The following PTP4A2 variants were observed in gnomAD, a reference collection of about 807,000 sequenced individuals.
PTP4A2 encodes the protein protein tyrosine phosphatase type IVA 2.
In PTP4A2, 2 loss-of-function variants were observed where a neutral mutation model predicts 22.9. That is an observed-to-expected ratio of 0.09 (90% CI 0.04 to 0.27). The LOEUF (loss-of-function observed/expected upper bound fraction) is 0.27. Among genes scored for constraint, PTP4A2 ranks in the 10% least tolerant of loss-of-function variants. PTP4A2 has a pLI of 1.00. For missense variants in PTP4A2, 103 were observed against 205.1 expected, an observed-to-expected ratio of 0.50 and a Z score of 3.04; for synonymous variants, 68 against 69.1, an observed-to-expected ratio of 0.98 and a Z score of 0.08.
At chr1:31,932,869 C>T (rs1389264644) in intron 1 of PTP4A2, among the ~76,000 whole-genome samples, 2 of 152,112 alleles carry the variant, frequency 1.3e-5, no homozygotes, top group African/African-American at 2.4e-5. Flanking sequence ...CTTCAAGTGC[C>T]AAGACAGTGG....
At chr1:31,923,049 A>G (rs1569621051) in intron 1 of PTP4A2, among the ~76,000 whole-genome samples, 1 of 151,468 alleles carries the variant, frequency 6.6e-6, no homozygotes, top group East Asian at 1.9e-4. Flanking sequence ...CTCCTGCCTC[A>G]GCCTCCCAAG....
At chr1:31,912,453 C>A (rs1455823114) in intron 3 of PTP4A2, among the ~76,000 whole-genome samples, 1 of 152,210 alleles carries the variant, frequency 6.6e-6, no homozygotes, top group East Asian at 1.9e-4. Flanking sequence ...AAGGACAGGG[C>A]TGCATGACAG....
At chr1:31,911,426 T>C in intron 4 of PTP4A2, 1 of 275,276 alleles carries the variant, frequency 3.6e-6, no homozygotes, top group Non-Finnish European at 6.8e-6. Context: ...TTGTTGCCAA[T>C]TTCAGTGACC....
At chr1:31,935,668 T>G (rs1019152697) in intron 1 of PTP4A2, 1 of 152,246 alleles carries the variant, frequency 6.6e-6, no homozygotes, top group African/African-American at 2.4e-5. Context: ...GCCTGGCAAA[T>G]AGAAGTGATT....
intron 1 of PTP4A2, among the ~76,000 whole-genome samples, chr1:31,922,628 T>TTC (rs1255912150): frequency 7.2e-6 from 1 of 139,692 alleles, no homozygotes; most frequent in Non-Finnish European, 1.5e-5. Flanking sequence ...CTTTCTTTCT[T>TTC]TCTTTCTTTT....
intron 1 of PTP4A2, among the ~76,000 whole-genome samples, chr1:31,922,639 ATTTAT>A (rs1186248850): frequency 1.7e-4 from 23 of 133,300 alleles, no homozygotes; most frequent in Non-Finnish European, 3.2e-4. Context: ...TCTTTCTTTT[ATTTAT>A]TTTGAGACAG....
chr1:31,919,080 AGTGTGAGCGTGC>A lies in PTP4A2; in HGVS notation c.-27_-16del, dbSNP rs1557864148. The A allele has an allele frequency of 1.4e-6, 2 of 1,417,344 alleles. No individual in the cohort carries two copies. Among genetic ancestry groups the A allele is most frequent in the Non-Finnish European group, 2.0e-6 (2 of 1,003,694 alleles). 87.8% of individuals were successfully genotyped at this position (1,417,344 alleles called of 1,614,324 possible). Reference sequence around the variant, plus strand: ...GGACGGTTCATTATGGCAAATAAAAAGTGTGAGCGTGCGTGTGAGTGTGATGGGGAAAGTGAA... The same window carrying A: ...GGACGGTTCATTATGGCAAATAAAAAGTGTGAGTGTGATGGGGAAAGTGAA... On this transcript the variant is annotated 5_prime_UTR_variant, in exon 2 of 6. Transcript: ENST00000647444.
At chr1:31,937,054 G>C (rs923228530) in intron 1 of PTP4A2, among the ~76,000 whole-genome samples, 1 of 152,132 alleles carries the variant, frequency 6.6e-6, no homozygotes, top group Non-Finnish European at 1.5e-5. Flanking sequence ...AAAACTAGCA[G>C]TACTTTACAA....
intron 1 of PTP4A2, among the ~76,000 whole-genome samples, chr1:31,928,203 ATAT>A (rs951662694): frequency 1.7e-4 from 24 of 140,628 alleles, no homozygotes; most frequent in South Asian, 2.4e-4. Flanking sequence ...ATATATTTAT[ATAT>A]TATAATATAT....
intron 4 of PTP4A2, chr1:31,910,879 G>A (rs1194123052): frequency 1.3e-5 from 2 of 152,148 alleles, no homozygotes; most frequent in Non-Finnish European, 2.9e-5. Context: ...AAATGCCCAA[G>A]AATTGATGAC....
intron 1 of PTP4A2, among the ~76,000 whole-genome samples, chr1:31,927,643 C>T (rs1158577873): frequency 6.6e-6 from 1 of 152,150 alleles, no homozygotes; most frequent in Non-Finnish European, 1.5e-5. Flanking sequence ...ATAATGGTAG[C>T]TTAGACCAGG....
chr1:31,907,669 T>C lies in PTP4A2; in HGVS notation c.*1183A>G, dbSNP rs1651252521. On this transcript the variant is annotated 3_prime_UTR_variant, in exon 6 of 6. Coordinates refer to ENST00000647444, the MANE Select transcript of PTP4A2 (RefSeq NM_080391.4). Reference sequence around the variant, plus strand: ...GTTTGGAAAACACATACCACAAGCATTTCTCAAGTCGAAAATATGTGAATT... The same window carrying C: ...GTTTGGAAAACACATACCACAAGCACTTCTCAAGTCGAAAATATGTGAATT... 1 of 152,110 alleles carries C rather than the reference T, an allele frequency of 6.6e-6. No individual in the cohort carries two copies. The highest frequency in any genetic ancestry group is 2.1e-4 in the South Asian group (1 of 4,832). The allele number at this position is 152,110 out of a possible 1,614,324, so 9.4% of individuals were successfully genotyped here. A position where few individuals can be genotyped will look rare whatever the true frequency, so the allele number is the denominator to read the frequency against.
At chr1:31,915,723 A>G in intron 3 of PTP4A2, 172 bp downstream of exon 3, 1 of 534,208 alleles carries the variant, frequency 1.9e-6, no homozygotes, top group South Asian at 2.6e-5. Context: ...AATTATCTGT[A>G]CAGATGAGAT....
At chr1:31,922,813 G>C (rs193023799) in intron 1 of PTP4A2, among the ~76,000 whole-genome samples, 2 of 152,136 alleles carry the variant, frequency 1.3e-5, no homozygotes, top group African/African-American at 2.4e-5. Flanking sequence ...GTAGCAACAA[G>C]GTTTCACTAT....
rs2124119145 is a variant in PTP4A2, at chr1:31,907,931, A to G, written c.*921T>C. On this transcript the variant is annotated 3_prime_UTR_variant, in exon 6 of 6. Transcript: ENST00000647444. ...CACTTAGCTTCATTGGTTAGGGAAGAGAAGAATTCGACTCTCAGGTAAGTT... is the reference window on the plus strand; with the variant it reads ...CACTTAGCTTCATTGGTTAGGGAAGGGAAGAATTCGACTCTCAGGTAAGTT... The G allele has an allele frequency of 6.6e-6, 1 of 151,198 alleles. No homozygotes were observed. Among genetic ancestry groups the G allele is most frequent in the East Asian group, 1.9e-4 (1 of 5,136 alleles). The allele number at this position is 151,198 out of a possible 1,614,324, so 9.4% of individuals were successfully genotyped here. A position where few individuals can be genotyped will look rare whatever the true frequency, so the allele number is the denominator to read the frequency against.
chr1:31,926,636 T>A (rs1305504000), intron 1 of PTP4A2, among the ~76,000 whole-genome samples: 1 of 152,202 alleles, frequency 6.6e-6, no homozygotes, highest in Non-Finnish European at 1.5e-5. Context: ...GGCATTTTCC[T>A]CAAATTCTTT....
intron 3 of PTP4A2, chr1:31,913,762 A>G: frequency 4.4e-6 from 2 of 455,512 alleles, no homozygotes; most frequent in Non-Finnish European, 8.8e-6. Context: ...TCTTTAGTTC[A>G]TTTCTATTTC....
At chr1:31,922,062 A>C (rs1470859965) in intron 1 of PTP4A2, among the ~76,000 whole-genome samples, 1 of 152,242 alleles carries the variant, frequency 6.6e-6, no homozygotes, top group Admixed American at 6.5e-5. Flanking sequence ...TTCCTACCTC[A>C]AAATTCTAAC....
At position 31,926,524 on chromosome 1, in the gene PTP4A2, A is replaced by G. The variant is rs1484483227; in HGVS notation, c.-593-6866T>C. Among the ~76,000 whole-genome samples, 4 of 152,188 alleles carry G rather than the reference A, an allele frequency of 2.6e-5. 1 individual carries two copies. The highest frequency in any genetic ancestry group is 2.0e-4 in the Admixed American group (3 of 15,278). Reference sequence around the variant, plus strand: ...ACACCTTGCAACATTTTTTTCCTAAAGCAAATTCCCTTCATGTCAATAGCC... The same window carrying G: ...ACACCTTGCAACATTTTTTTCCTAAGGCAAATTCCCTTCATGTCAATAGCC... On this transcript the variant is annotated intron_variant, in intron 1 of 5. Coordinates refer to ENST00000647444, the MANE Select transcript of PTP4A2 (RefSeq NM_080391.4).
Sources: allele counts gnomAD v4.1 joint callset (sites outside exome capture counted in the v4.1 genomes callset), GRCh38; gene constraint gnomAD v4.1.1; transcripts MANE v1.5; gene names NCBI Gene and HGNC (gene_info 2026-07-23, HGNC 2026-07-21).